The following PCDH9 variants were observed in gnomAD, a reference collection of about 807,000 sequenced individuals.
PCDH9 encodes protocadherin 9, also known as protocadherin-9.
Under a neutral mutation model 70.6 loss-of-function variants are expected in PCDH9, and 24 were observed. The observed-to-expected ratio is 0.34, with a 90% CI of 0.25 to 0.48. The LOEUF is 0.48. PCDH9 is among the 20% of genes least tolerant of loss of function. PCDH9 has a pLI of 0.99. For missense variants in PCDH9, 1,281 were observed against 1,503.6 expected, an observed-to-expected ratio of 0.85 and a Z score of 2.45; for synonymous variants, 562 against 558.5, an observed-to-expected ratio of 1.01 and a Z score of -0.09.
chr13:66,421,426 A>C (rs1957565344), intron 4 of PCDH9, among the ~76,000 whole-genome samples: 1 of 152,220 alleles, frequency 6.6e-6, no homozygotes, highest in Non-Finnish European at 1.5e-5. Flanking sequence ...GCAGCTAGGG[A>C]AAAAGGTCTG....
At chr13:66,524,951 T>G (rs571381278) in intron 4 of PCDH9, among the ~76,000 whole-genome samples, 34 of 152,196 alleles carry the variant, frequency 2.2e-4, no homozygotes, top group African/African-American at 7.5e-4. Flanking sequence ...TATTTTCTAT[T>G]AAAAATCTTG....
intron 4 of PCDH9, among the ~76,000 whole-genome samples, chr13:66,518,597 T>A (rs1959850356): frequency 6.6e-6 from 1 of 152,104 alleles, no homozygotes; most frequent in Non-Finnish European, 1.5e-5. Flanking sequence ...AGGATATACT[T>A]TGGAAAATTC....
At chr13:66,531,750 A>G (rs2138634229) in intron 4 of PCDH9, among the ~76,000 whole-genome samples, 1 of 152,298 alleles carries the variant, frequency 6.6e-6, no homozygotes, top group East Asian at 1.9e-4. Context: ...TCATTTTAAG[A>G]TACTGCTCAT....
At chr13:66,633,091 T>G (rs1485926417) in intron 3 of PCDH9, among the ~76,000 whole-genome samples, 2 of 152,152 alleles carry the variant, frequency 1.3e-5, no homozygotes, top group African/African-American at 2.4e-5. Context: ...TCAAATCCAA[T>G]TCAGAGTCAT....
intron 2 of PCDH9, among the ~76,000 whole-genome samples, chr13:66,960,493 G>A (rs2083328766): frequency 6.6e-6 from 1 of 152,144 alleles, no homozygotes; most frequent in Admixed American, 6.5e-5. Flanking sequence ...GGCCACAGTG[G>A]TTGATGGAAG....
At chr13:67,100,454 A>G (rs912467549) in intron 2 of PCDH9, among the ~76,000 whole-genome samples, 11 of 152,194 alleles carry the variant, frequency 7.2e-5, no homozygotes, top group African/African-American at 2.4e-4. Flanking sequence ...AATTATTTAT[A>G]TCTTGAATCA....
intron 4 of PCDH9, among the ~76,000 whole-genome samples, chr13:66,416,405 A>C (rs1957461624): frequency 6.6e-6 from 1 of 152,126 alleles, no homozygotes; most frequent in African/African-American, 2.4e-5. Context: ...CTAGGACCCC[A>C]ACAGCCGACC....
intron 3 of PCDH9, among the ~76,000 whole-genome samples, chr13:66,662,689 A>G (rs1299607844): frequency 6.6e-6 from 1 of 152,168 alleles, no homozygotes; most frequent in East Asian, 1.9e-4. Context: ...TGAAGAAACA[A>G]TGGGTGACAT....
At chr13:66,606,010 G>T (rs919898546) in intron 4 of PCDH9, among the ~76,000 whole-genome samples, 1 of 151,958 alleles carries the variant, frequency 6.6e-6, no homozygotes, top group Non-Finnish European at 1.5e-5. Flanking sequence ...GAAATCATGG[G>T]GCTCCCCTCG....
At chr13:66,753,836 G>T (rs2079497613) in intron 3 of PCDH9, among the ~76,000 whole-genome samples, 1 of 152,014 alleles carries the variant, frequency 6.6e-6, no homozygotes, top group South Asian at 2.1e-4. Context: ...TAAACATAAG[G>T]TACCTAATCA....
At chr13:66,913,649 A>G (rs961769014) in intron 2 of PCDH9, among the ~76,000 whole-genome samples, 4 of 151,970 alleles carry the variant, frequency 2.6e-5, no homozygotes, top group African/African-American at 9.7e-5. Flanking sequence ...ATTATTATAC[A>G]TGTTACCTCA....
intron 3 of PCDH9, among the ~76,000 whole-genome samples, chr13:66,802,114 A>G (rs773055066): frequency 1.3e-5 from 2 of 151,428 alleles, no homozygotes; most frequent in African/African-American, 2.4e-5. Context: ...CATAGAATTT[A>G]TTAATCAGGT....
intron 2 of PCDH9, among the ~76,000 whole-genome samples, chr13:66,937,044 T>A (rs1021265822): frequency 1.3e-5 from 2 of 152,210 alleles, no homozygotes; most frequent in Non-Finnish European, 2.9e-5. Flanking sequence ...AATATAAGTA[T>A]GCATGATCAT....
At chr13:66,318,798 A>G (rs1460964150) in intron 4 of PCDH9, among the ~76,000 whole-genome samples, 1 of 152,104 alleles carries the variant, frequency 6.6e-6, no homozygotes, top group Non-Finnish European at 1.5e-5. Context: ...TTCCATCTAG[A>G]TTTGCTTTCC....
At chr13:66,423,977 G>C (rs1035884308) in intron 4 of PCDH9, among the ~76,000 whole-genome samples, 1 of 152,178 alleles carries the variant, frequency 6.6e-6, no homozygotes, top group Non-Finnish European at 1.5e-5. Flanking sequence ...CTTCAGCAAA[G>C]TCTCAGGATA....
chr13:66,609,693 T>C (rs1008251997), intron 4 of PCDH9, among the ~76,000 whole-genome samples: 1 of 152,090 alleles, frequency 6.6e-6, no homozygotes, highest in South Asian at 2.1e-4. Flanking sequence ...TCTGATTTTA[T>C]ATTTTAATAA....
intron 3 of PCDH9, among the ~76,000 whole-genome samples, chr13:66,812,534 A>G (rs1324218592): frequency 1.3e-5 from 2 of 152,228 alleles, no homozygotes; most frequent in African/African-American, 2.4e-5. Context: ...ATTTGTCTAG[A>G]AGCAACTCAT....
At chr13:66,612,963 G>T (rs944352891) in intron 4 of PCDH9, among the ~76,000 whole-genome samples, 3 of 152,062 alleles carry the variant, frequency 2.0e-5, no homozygotes, top group Non-Finnish European at 4.4e-5. Context: ...AACATTTTTG[G>T]CATGCAAAGT....
intron 2 of PCDH9, among the ~76,000 whole-genome samples, chr13:67,162,133 C>T (rs2087979875): frequency 6.6e-6 from 1 of 152,142 alleles, no homozygotes; most frequent in South Asian, 2.1e-4. Context: ...GCTAAATTTT[C>T]CTTGGCTTTA....
Sources: allele counts gnomAD v4.1 joint callset (sites outside exome capture counted in the v4.1 genomes callset), GRCh38; gene constraint gnomAD v4.1.1; transcripts MANE v1.5; gene names NCBI Gene and HGNC (gene_info 2026-07-23, HGNC 2026-07-21).